Variants in CDH13 observed in about 807,000 individuals in gnomAD.
CDH13 encodes the protein cadherin-13.
In CDH13, 24 loss-of-function variants were observed where a neutral mutation model predicts 63.8. That is an observed-to-expected ratio of 0.38 (90% confidence interval 0.27 to 0.53). The LOEUF is 0.53. Among genes scored for constraint, CDH13 ranks in the 20% least tolerant of loss-of-function variants. The probability of loss-of-function intolerance (pLI) is 0.85; values close to 1 mark genes in which losing one functional copy is unlikely to be tolerated. For missense variants in CDH13, 1,049 were observed against 903.1 expected, an observed-to-expected ratio of 1.16 and a Z score of -2.07; for synonymous variants, 503 against 355.3, an observed-to-expected ratio of 1.42 and a Z score of -4.67.
chr16:83,292,575 C>T (rs2089490821), intron 5 of CDH13, among the ~76,000 whole-genome samples: 1 of 152,164 alleles, frequency 6.6e-6, no homozygotes, highest in Non-Finnish European at 1.5e-5. Flanking sequence ...CTTTTCAAAT[C>T]AAGCGGTAGG....
intron 11 of CDH13, among the ~76,000 whole-genome samples, chr16:83,754,150 C>G (rs567896309): frequency 1.3e-5 from 2 of 152,078 alleles, no homozygotes; most frequent in Non-Finnish European, 2.9e-5. Context: ...CTCCTTGGGT[C>G]TCACAGAAAA....
chr16:83,028,632 C>G (rs539540678), intron 2 of CDH13, among the ~76,000 whole-genome samples: 1 of 152,142 alleles, frequency 6.6e-6, no homozygotes, highest in Admixed American at 6.5e-5. Flanking sequence ...ACATACATAG[C>G]TATGTTAAAG....
chr16:83,779,950 C>T lies in CDH13; in HGVS notation c.1682-18C>T, dbSNP rs765121128. On this transcript the variant is annotated intron_variant, in intron 11 of 13. Coordinates refer to ENST00000567109, the MANE Select transcript of CDH13 (RefSeq NM_001257.5). ...GCATATACCAGTTGCATACCAACAT[C>T]TTCCCTTTTTCCCACAGGCAACCCT... The T allele has an allele frequency of 8.2e-6, 13 of 1,577,002 alleles. No individual in the cohort carries two copies. The highest frequency in any genetic ancestry group is 6.8e-5 in the East Asian group (3 of 44,438).
intron 13 of CDH13, among the ~76,000 whole-genome samples, chr16:83,788,064 T>C (rs7197375): frequency 0.027 from 4,117 of 152,340 alleles, 93 homozygotes; most frequent in Non-Finnish European, 0.038. Flanking sequence ...GGAATGCATA[T>C]ACACACGTAC....
chr16:82,666,564 A>G (rs182747876), intron 1 of CDH13, among the ~76,000 whole-genome samples: 90 of 152,340 alleles, frequency 5.9e-4, no homozygotes, highest in Non-Finnish European at 9.3e-4. Flanking sequence ...ACTCACTTGC[A>G]TTGGAATCTG....
intron 4 of CDH13, among the ~76,000 whole-genome samples, chr16:83,152,788 G>A (rs964798981): frequency 1.3e-5 from 2 of 152,172 alleles, no homozygotes; most frequent in Admixed American, 1.3e-4. Flanking sequence ...TTGGAAATAG[G>A]GTTGTGGCAG....
In CDH13 at chr16:82,719,555, A is replaced by G. The variant is rs2032623467; in HGVS notation, c.45+92418A>G. On this transcript the variant is annotated intron_variant, in intron 1 of 13. Coordinates refer to ENST00000567109, the MANE Select transcript of CDH13 (RefSeq NM_001257.5). ...CCCTCTGTTTTAAGCATTTGATTAA[A>G]ACAAGTTAGGATGGGCGCAGTGGCT... 7.3e-6 allele frequency: 3 copies of G among 408,568 alleles called. No homozygotes were observed. The Admixed American group carries it at 8.2e-5, about 11-fold the overall frequency. 25.3% of individuals were successfully genotyped at this position (408,568 alleles called of 1,614,324 possible).
At chr16:82,935,200 T>G (rs571110949) in intron 2 of CDH13, among the ~76,000 whole-genome samples, 1 of 152,288 alleles carries the variant, frequency 6.6e-6, no homozygotes, top group Non-Finnish European at 1.5e-5. Flanking sequence ...CATCTTCACA[T>G]GGCAGCAAGA....
At chr16:83,776,127 A>G (rs1373656493) in intron 11 of CDH13, among the ~76,000 whole-genome samples, 2 of 152,198 alleles carry the variant, frequency 1.3e-5, no homozygotes, top group East Asian at 3.9e-4. Context: ...AAAAGACATC[A>G]CCAGCCTGGC....
chr16:83,216,495 A>G (rs2039535001), intron 4 of CDH13, among the ~76,000 whole-genome samples: 1 of 134,594 alleles, frequency 7.4e-6, no homozygotes, highest in Non-Finnish European at 1.6e-5. Context: ...TATTTATTAT[A>G]TATATTTAAT....
At chr16:83,420,061 T>C (rs892582857) in intron 6 of CDH13, among the ~76,000 whole-genome samples, 9 of 152,026 alleles carry the variant, frequency 5.9e-5, no homozygotes, top group African/African-American at 1.9e-4. Context: ...TAGATTTAAA[T>C]AGAGGGCAAA....
chr16:82,744,636 C>T (rs1310916926), intron 1 of CDH13, among the ~76,000 whole-genome samples: 1 of 152,084 alleles, frequency 6.6e-6, no homozygotes, highest in Non-Finnish European at 1.5e-5. Context: ...ACAAAGATCT[C>T]CCCTCCCTAC....
chr16:83,371,768 A>T (rs2091371142), intron 6 of CDH13, among the ~76,000 whole-genome samples: 1 of 152,240 alleles, frequency 6.6e-6, no homozygotes, highest in Non-Finnish European at 1.5e-5. Context: ...AACGGAACTC[A>T]GAGTGGATAG....
chr16:82,962,867 G>T (rs979666317), intron 2 of CDH13, among the ~76,000 whole-genome samples: 7 of 152,048 alleles, frequency 4.6e-5, no homozygotes, highest in Non-Finnish European at 8.8e-5. Flanking sequence ...TTTACTAATG[G>T]TCACTAATGA....
rs1470658908 is a variant in CDH13, at chr16:83,173,736, C to G, written c.484-43609C>G. Among the ~76,000 whole-genome samples, 3 of 152,074 alleles carry G rather than the reference C, an allele frequency of 2.0e-5. 1 individual carries two copies. In the East Asian group the frequency reaches 5.8e-4, roughly 29 times the overall value. ...AACACAGCCAAAGATCCCTGCCTCTCCCAATCTTCTGGGCCTCTTTCTTTA... is the reference window on the plus strand; with the variant it reads ...AACACAGCCAAAGATCCCTGCCTCTGCCAATCTTCTGGGCCTCTTTCTTTA... On this transcript the variant is annotated intron_variant, in intron 4 of 13. Coordinates refer to ENST00000567109, the MANE Select transcript of CDH13 (RefSeq NM_001257.5).
chr16:83,234,157 G>A (rs1466386243), intron 5 of CDH13, among the ~76,000 whole-genome samples: 6 of 152,226 alleles, frequency 3.9e-5, no homozygotes, highest in East Asian at 1.9e-4. Context: ...CATAGGCAGT[G>A]TGTGGCAACA....
intron 3 of CDH13, among the ~76,000 whole-genome samples, chr16:83,121,320 A>G (rs2035562825): frequency 6.6e-6 from 1 of 152,194 alleles, no homozygotes; most frequent in African/African-American, 2.4e-5. Flanking sequence ...ATTTTCCTAC[A>G]TAGCTTGTCT....
chr16:83,186,729 T>C (rs2038537643), intron 4 of CDH13, among the ~76,000 whole-genome samples: 2 of 152,102 alleles, frequency 1.3e-5, no homozygotes, highest in African/African-American at 4.8e-5. Flanking sequence ...GATGAGCTCA[T>C]TGTAACTTAG....
chr16:82,885,281 C>G (rs2040844108), intron 2 of CDH13, among the ~76,000 whole-genome samples: 1 of 152,064 alleles, frequency 6.6e-6, no homozygotes, highest in Non-Finnish European at 1.5e-5. Flanking sequence ...TGGTCATTCT[C>G]CTGAAAACAG....
Sources: gnomAD v4.1 joint callset for allele counts (sites outside exome capture counted in the v4.1 genomes callset) on GRCh38, gnomAD v4.1.1 for gene constraint, MANE v1.5 for transcripts, NCBI Gene and HGNC (gene_info 2026-07-23, HGNC 2026-07-21) for gene names.